FSTL1: variants seen among roughly 807,000 people sequenced by gnomAD.
FSTL1 encodes follistatin like 1.
In FSTL1, 24 loss-of-function variants were observed where a neutral mutation model predicts 45.9. The observed-to-expected ratio is 0.52, with a 90% CI of 0.38 to 0.74. The LOEUF (loss-of-function observed/expected upper bound fraction) is 0.74, where lower values mean the gene tolerates loss of function less well. FSTL1 is among the 30% of genes least tolerant of loss of function. FSTL1 has a pLI of 0.00. For missense variants in FSTL1, 340 were observed against 381.8 expected, an observed-to-expected ratio of 0.89 and a Z score of 0.91; for synonymous variants, 120 against 137.6, an observed-to-expected ratio of 0.87 and a Z score of 0.89.
At chr3:120,446,464 T>C (rs1937744305) in intron 2 of FSTL1, among the ~76,000 whole-genome samples, 1 of 152,366 alleles carries the variant, frequency 6.6e-6, no homozygotes, top group Admixed American at 6.5e-5. Flanking sequence ...CCTCCTATGC[T>C]GGGTGCTTGC....
At chr3:120,418,689 C>T (rs749651304) in intron 2 of FSTL1, among the ~76,000 whole-genome samples, 13 of 152,144 alleles carry the variant, frequency 8.5e-5, no homozygotes, top group Non-Finnish European at 1.6e-4. Context: ...ACCCACATCC[C>T]ACCTCTATTC....
At chr3:120,423,647 T>C (rs1374500753) in intron 2 of FSTL1, 5 of 151,936 alleles carry the variant, frequency 3.3e-5, no homozygotes, top group African/African-American at 7.3e-5. Flanking sequence ...CAGTGACGAG[T>C]TGGAGAGTCT....
Position 120,435,675 on chromosome 3 carries a change from TGGA to T in FSTL1, c.63+15006_63+15008del, listed in dbSNP as rs1937538447. On this transcript the variant is annotated intron_variant, in intron 2 of 10. Transcript: ENST00000295633. Reference sequence around the variant, plus strand: ...CCTAGGCAGAGAAAAGACTTTTTCCTGGAGTCAGAGTCAAACAACAAATCACTG... The same window carrying T: ...CCTAGGCAGAGAAAAGACTTTTTCCTGTCAGAGTCAAACAACAAATCACTG... 2.6e-5 allele frequency among the ~76,000 whole-genome samples: 4 copies of T among 152,362 alleles called. No individual in the cohort carries two copies. The South Asian group carries it at 8.3e-4, about 32-fold the overall frequency.
Position 120,450,883 on chromosome 3 carries a change from C to A in FSTL1, c.-1+14G>T, listed in dbSNP as rs1430809585. The stretch of plus-strand genomic sequence containing the variant: ...CGAAGAGTCCGGCCTCCGCGCCGTG[C>A]GCCCTGCGCTCACCGTGGTCTGGTC... On this transcript the variant is annotated intron_variant, in intron 1 of 10. Coordinates refer to ENST00000295633, the MANE Select transcript of FSTL1 (RefSeq NM_007085.5). 1.8e-6 allele frequency: 1 copy of A among 565,562 alleles called. No individual in the cohort carries two copies. Among genetic ancestry groups the A allele is most frequent in the Non-Finnish European group, 3.0e-6 (1 of 334,324 alleles). 35.0% of individuals were successfully genotyped at this position (565,562 alleles called of 1,614,324 possible). A position where few individuals can be genotyped will look rare whatever the true frequency, so the allele number is the denominator to read the frequency against.
chr3:120,412,981 TAGGG>T (rs1488039140), intron 3 of FSTL1, among the ~76,000 whole-genome samples: 1 of 151,896 alleles, frequency 6.6e-6, no homozygotes, highest in Non-Finnish European at 1.5e-5. Flanking sequence ...AAGCTAGGAG[TAGGG>T]TTGCCTGGGT....
rs1936709175 is a variant in FSTL1, at chr3:120,396,756, A to T, written c.*196T>A. ...AGTTTCTCTTAAAGCACTCCTAGAA[A>T]TGAAGGCTGTGGCCCTTCCCTTCCT... On this transcript the variant is annotated 3_prime_UTR_variant, in exon 11 of 11. Transcript: ENST00000295633. 1.7e-6 allele frequency: 1 copy of T among 585,530 alleles called. No individual in the cohort carries two copies. The highest frequency in any genetic ancestry group is 1.9e-5 in the African/African-American group (1 of 53,810). The allele number at this position is 585,530 out of a possible 1,614,324, so 36.3% of individuals were successfully genotyped here.
intron 2 of FSTL1, among the ~76,000 whole-genome samples, chr3:120,425,669 C>T (rs1408304651): frequency 6.6e-6 from 1 of 152,212 alleles, no homozygotes; most frequent in Non-Finnish European, 1.5e-5. Context: ...TCCTGAATAT[C>T]AAACTTCACT....
At position 120,444,470 on chromosome 3, in the gene FSTL1, C is replaced by T. The variant is rs373633455; in HGVS notation, c.63+6214G>A. ...GAGGGTAATGGTAATATGTATGCCA[C>T]GTCTGTGCCATCTCTGAAAGGCCAT... On this transcript the variant is annotated intron_variant, in intron 2 of 10. Coordinates refer to ENST00000295633, the MANE Select transcript of FSTL1 (RefSeq NM_007085.5). Among the ~76,000 whole-genome samples the T allele has an allele frequency of 1.1e-4, 16 of 149,644 alleles. 3 individuals are homozygous for T. The highest frequency in any genetic ancestry group is 4.1e-4 in the African/African-American group (16 of 39,078).
chr3:120,444,641 A>T (rs1937698596), intron 2 of FSTL1, among the ~76,000 whole-genome samples: 1 of 149,672 alleles, frequency 6.7e-6, no homozygotes, highest in Non-Finnish European at 1.5e-5. Flanking sequence ...GTGGTATTTT[A>T]TTTAAATAAA....
rs1049237068 is a variant in FSTL1, at chr3:120,450,737, G to T, written c.10C>A (p.Arg4Ser). Residue 4 changes from arginine (R) to serine (S), a missense_variant, in exon 2 of 11, where the codon CGC becomes AGC. Arg to Ser is a moderately radical substitution (Grantham distance 110, BLOSUM62 -1). Coordinates refer to ENST00000295633, the MANE Select transcript of FSTL1 (RefSeq NM_007085.5). ...AGCGCGAGCGCGAGCGCGAGCCAGC[G>T]TTTCCACATCTGCGGAAGAGAGAAG... is the stretch of plus-strand genomic sequence containing the variant. Reference protein sequence around the residue: MWKRWLALALALVA... With the variant: MWKSWLALALALVA... The T allele has an allele frequency of 6.3e-6, 10 of 1,579,698 alleles. No homozygotes were observed. Among genetic ancestry groups the T allele is most frequent in the Non-Finnish European group, 8.5e-6 (10 of 1,169,632 alleles).
Position 120,393,779 on chromosome 3 carries a change from T to A in FSTL1, c.*3173A>T, listed in dbSNP as rs1936636376. On this transcript the variant is annotated 3_prime_UTR_variant, in exon 11 of 11. Coordinates refer to ENST00000295633, the MANE Select transcript of FSTL1 (RefSeq NM_007085.5). ...GTGAGGCTCTTGGGAGATGATTAGG[T>A]CATCAAAGTTTAACCCTCATGAATG... 6.6e-6 allele frequency: 1 copy of A among 152,116 alleles called. No individual in the cohort carries two copies. Among genetic ancestry groups the A allele is most frequent in the Admixed American group, 6.5e-5 (1 of 15,268 alleles). 9.4% of individuals were successfully genotyped at this position (152,116 alleles called of 1,614,324 possible). A position where few individuals can be genotyped will look rare whatever the true frequency, so the allele number is the denominator to read the frequency against.
chr3:120,442,112 A>T (rs1937635263), intron 2 of FSTL1, among the ~76,000 whole-genome samples: 2 of 152,140 alleles, frequency 1.3e-5, no homozygotes, highest in African/African-American at 4.8e-5. Flanking sequence ...CAAAAACATA[A>T]GCGACCCTTC....
rs1292619279 is a variant in FSTL1 at position 120,428,969 on chromosome 3, GA to G, written c.64-12943del. ...TAGGAGAAGCAGACAGATGTAATTA[GA>G]AGTTCTCAGACATTGTGTTGCCACA... On this transcript the variant is annotated intron_variant, in intron 2 of 10. Transcript: ENST00000295633. 3.3e-5 allele frequency among the ~76,000 whole-genome samples: 5 copies of G among 152,356 alleles called. No individual in the cohort carries two copies. In the East Asian group the frequency reaches 9.6e-4, roughly 29 times the overall value.
At chr3:120,441,559 G>C (rs983036493) in intron 2 of FSTL1, among the ~76,000 whole-genome samples, 1 of 152,214 alleles carries the variant, frequency 6.6e-6, no homozygotes, top group Non-Finnish European at 1.5e-5. Context: ...TAAAAAAGAA[G>C]GTGATAATTA....
In FSTL1 at chr3:120,393,629, G is replaced by A. The variant is rs982651024; in HGVS notation, c.*3323C>T. On this transcript the variant is annotated 3_prime_UTR_variant, in exon 11 of 11. Transcript: ENST00000295633. ...CCATTTAGTCTCCTAAATCATATGG[G>A]GGATTTACGAGTCATTTAATTTAAT... 6.6e-6 allele frequency: 1 copy of A among 152,082 alleles called. No homozygotes were observed. Among genetic ancestry groups the A allele is most frequent in the African/African-American group, 2.4e-5 (1 of 41,418 alleles). The allele number at this position is 152,082 out of a possible 1,614,324, so 9.4% of individuals were successfully genotyped here.
At position 120,450,902 on chromosome 3, in the gene FSTL1, T is replaced by C; in HGVS notation, c.-6A>G. The C allele has an allele frequency of 1.9e-6, 1 of 536,710 alleles. No individual in the cohort carries two copies. The highest frequency in any genetic ancestry group is 3.2e-6 in the Non-Finnish European group (1 of 310,870). The allele number at this position is 536,710 out of a possible 1,614,324, so 33.2% of individuals were successfully genotyped here. Reference sequence around the variant, plus strand: ...GCCGTGCGCCCTGCGCTCACCGTGGTCTGGTCCAGGTCTCCTGGGGGCGCG... The same window carrying C: ...GCCGTGCGCCCTGCGCTCACCGTGGCCTGGTCCAGGTCTCCTGGGGGCGCG... On this transcript the variant is annotated 5_prime_UTR_variant, in exon 1 of 11. Coordinates refer to ENST00000295633, the MANE Select transcript of FSTL1 (RefSeq NM_007085.5).
At chr3:120,412,838 G>A (rs4676780) in intron 3 of FSTL1, among the ~76,000 whole-genome samples, 31,459 of 103,930 alleles carry the variant, frequency 0.3, 4,043 homozygotes, top group African/African-American at 0.37. Flanking sequence ...GCGCGCGCGC[G>A]CACACACACA....
At chr3:120,407,760 G>A (rs1186741297) in intron 6 of FSTL1, among the ~76,000 whole-genome samples, 1 of 152,224 alleles carries the variant, frequency 6.6e-6, no homozygotes, top group Non-Finnish European at 1.5e-5. Flanking sequence ...GTTAGACACT[G>A]CCAGAGTGTC....
chr3:120,407,167 G>C (rs1030507496), intron 6 of FSTL1, among the ~76,000 whole-genome samples: 4 of 152,190 alleles, frequency 2.6e-5, no homozygotes, highest in African/African-American at 9.7e-5. Context: ...GTAGGGTTGT[G>C]GAAAGGCAGA....
Sources: allele counts gnomAD v4.1 joint callset (sites outside exome capture counted in the v4.1 genomes callset), GRCh38; gene constraint gnomAD v4.1.1; transcripts MANE v1.5; gene names NCBI Gene and HGNC (gene_info 2026-07-23, HGNC 2026-07-21).